The following LTBP2 variants were observed in gnomAD, a reference collection of about 807,000 sequenced individuals.
LTBP2 encodes latent transforming growth factor beta binding protein 2.
In LTBP2, 103 loss-of-function variants were observed where a neutral mutation model predicts 210.6. The observed-to-expected ratio is 0.49, with a 90% CI of 0.42 to 0.58. The LOEUF (loss-of-function observed/expected upper bound fraction) is 0.58. LTBP2 is among the 20% of genes least tolerant of loss of function. The probability of loss-of-function intolerance (pLI) is 0.00; values close to 1 mark genes in which losing one functional copy is unlikely to be tolerated. For missense variants in LTBP2, 2,313 were observed against 2,494.5 expected (o/e 0.93, Z 1.55); for synonymous variants, 1,007 against 1,015.0 (o/e 0.99, Z 0.15).
chr14:74,504,720 G>T, intron 30 of LTBP2, 58 bp downstream of exon 30: 1 of 1,545,714 alleles, frequency 6.5e-7, no homozygotes, highest in South Asian at 1.1e-5. Flanking sequence ...CCCTGTGGAG[G>T]AGCAGGCTAG....
At chr14:74,548,405 G>A (rs760311677) in intron 8 of LTBP2, among the ~76,000 whole-genome samples, 9 of 151,978 alleles carry the variant, frequency 5.9e-5, no homozygotes, top group Admixed American at 2.0e-4. Context: ...TTGTAAGCTT[G>A]GAGAGGAAGG....
At chr14:74,540,944 A>ATATATT (rs1248514534) in intron 8 of LTBP2, among the ~76,000 whole-genome samples, 44 of 24,290 alleles carry the variant, frequency 1.8e-3, no homozygotes, top group African/African-American at 3.7e-3. Flanking sequence ...ATATATATAT[A>ATATATT]TTTTTTATAT....
At chr14:74,549,726 G>T in intron 8 of LTBP2, 137 bp downstream of exon 8, 1 of 781,118 alleles carries the variant, frequency 1.3e-6, no homozygotes, top group Non-Finnish European at 2.3e-6. Flanking sequence ...CTTCAAGGCA[G>T]GTCTGGGAAG....
intron 18 of LTBP2, among the ~76,000 whole-genome samples, chr14:74,514,669 G>T (rs538534437): frequency 6.6e-6 from 1 of 152,196 alleles, no homozygotes; most frequent in African/African-American, 2.4e-5. Flanking sequence ...TCCCCTGTCC[G>T]TGGGAACCTG....
Position 74,498,676 on chromosome 14 carries a change from C to G in LTBP2, c.*2208G>C. 1 of 232,164 alleles carries G rather than the reference C, an allele frequency of 4.3e-6. No individual in the cohort carries two copies. The highest frequency in any genetic ancestry group is 8.5e-6 in the Non-Finnish European group (1 of 117,400). The allele number at this position is 232,164 out of a possible 1,614,324, so 14.4% of individuals were successfully genotyped here. On this transcript the variant is annotated 3_prime_UTR_variant, in exon 36 of 36. Coordinates refer to ENST00000261978, the MANE Select transcript of LTBP2 (RefSeq NM_000428.3). Reference sequence around the variant, plus strand: ...GTGGGGGCAGTGGGAACAGCAGTTACGAAGGTGTAGTGCCAGCAGGATATA... The same window carrying G: ...GTGGGGGCAGTGGGAACAGCAGTTAGGAAGGTGTAGTGCCAGCAGGATATA...
At position 74,532,273 on chromosome 14, in the gene LTBP2, G is replaced by A. The variant is rs114218618; in HGVS notation, c.1987+153C>T. Reference sequence around the variant, plus strand: ...ATGGGCTGATCAGGTTTTTCACATTGGGCCCAACTCCAGGTTGAATAGCCG... The same window carrying A: ...ATGGGCTGATCAGGTTTTTCACATTAGGCCCAACTCCAGGTTGAATAGCCG... On this transcript the variant is annotated intron_variant, in intron 10 of 35. Coordinates refer to ENST00000261978, the MANE Select transcript of LTBP2 (RefSeq NM_000428.3). Among the ~76,000 whole-genome samples, 1,215 of 152,294 alleles carry A rather than the reference G, an allele frequency of 8.0e-3. 14 individuals carry two copies. The highest frequency in any genetic ancestry group is 0.028 in the African/African-American group (1,169 of 41,570).
chr14:74,520,857 T>C (rs2139708538), intron 17 of LTBP2, among the ~76,000 whole-genome samples: 1 of 152,298 alleles, frequency 6.6e-6, no homozygotes, highest in South Asian at 2.1e-4. Flanking sequence ...TTCTGCTCCA[T>C]CTCGAGTACC....
At position 74,511,341 on chromosome 14, in the gene LTBP2, C is replaced by G; in HGVS notation, c.2932G>C (p.Gly978Arg). 1 of 1,614,110 alleles carries G rather than the reference C, an allele frequency of 6.2e-7. No homozygotes were observed. The highest frequency in any genetic ancestry group is 8.5e-7 in the Non-Finnish European group (1 of 1,180,010). Reference sequence around the variant, plus strand: ...ACGCATCTCCCATCAGGGCAGGTACCGGGGTGACGGCATTCGTTGATATCT... The same window carrying G: ...ACGCATCTCCCATCAGGGCAGGTACGGGGGTGACGGCATTCGTTGATATCT... ...CQDINECRHP[G>R]TCPDGRCVNS... Residue 978 changes from glycine (G) to arginine (R), a missense_variant, in exon 19 of 36, where the codon GGT becomes CGT. By Grantham distance (125) the Gly-to-Arg change is moderately radical (BLOSUM62 -2). Coordinates refer to ENST00000261978, the MANE Select transcript of LTBP2 (RefSeq NM_000428.3).
intron 2 of LTBP2, among the ~76,000 whole-genome samples, chr14:74,592,829 C>A (rs1292246707): frequency 6.6e-6 from 1 of 152,146 alleles, no homozygotes; most frequent in Non-Finnish European, 1.5e-5. Context: ...ACGGAATACC[C>A]CCCAGCCCCT....
intron 4 of LTBP2, among the ~76,000 whole-genome samples, chr14:74,554,150 C>T (rs1380991847): frequency 6.6e-6 from 1 of 152,076 alleles, no homozygotes; most frequent in Non-Finnish European, 1.5e-5. Context: ...AAGGAATCGT[C>T]AACCATGAAA....
chr14:74,500,677 T>A lies in LTBP2; in HGVS notation c.*207A>T. 1 of 650,664 alleles carries A rather than the reference T, an allele frequency of 1.5e-6. No homozygotes were observed. Among genetic ancestry groups the A allele is most frequent in the Admixed American group, 2.3e-5 (1 of 43,348 alleles). The allele number at this position is 650,664 out of a possible 1,614,324, so 40.3% of individuals were successfully genotyped here. A position where few individuals can be genotyped will look rare whatever the true frequency, so the allele number is the denominator to read the frequency against. On this transcript the variant is annotated 3_prime_UTR_variant, in exon 36 of 36. Coordinates refer to ENST00000261978, the MANE Select transcript of LTBP2 (RefSeq NM_000428.3). ...GCGGTGGCTGAAGCATTAAAGCGAT[T>A]GGTGGTGCTTGAGCCAAGCAAGGGC...
chr14:74,565,422 A>G (rs1295298729), intron 3 of LTBP2, among the ~76,000 whole-genome samples: 2 of 152,234 alleles, frequency 1.3e-5, no homozygotes, highest in African/African-American at 4.8e-5. Context: ...GCCAGCTGGA[A>G]GGCTTTGGCT....
chr14:74,596,057 C>T (rs1333327200), intron 2 of LTBP2, among the ~76,000 whole-genome samples: 1 of 151,846 alleles, frequency 6.6e-6, no homozygotes, highest in African/African-American at 2.4e-5. Flanking sequence ...GTCAAAACGT[C>T]TCTATAAAAA....
Position 74,552,273 on chromosome 14 carries a change from G to A in LTBP2, c.1313C>T (p.Pro438Leu). The change falls in exon 6 of 36, where the codon CCT (proline) becomes CTT (leucine). Residue 438 changes from proline to leucine, a missense_variant. This residue lies in a region of LTBP2 where 1,867 missense variants were observed against 1,976.9 expected (regional missense o/e 0.94). Transcript: ENST00000261978. ...HLPIPQPDRE[P>L]PGRGSRPRAL... ...CCTGGGGCGGGACCCCCTCCCTGGA[G>A]GCTCCCTGTCCGGCTGCGGGATAGG... 1 of 1,613,358 alleles carries A rather than the reference G, an allele frequency of 6.2e-7. No individual in the cohort carries two copies. The highest frequency in any genetic ancestry group is 8.5e-7 in the Non-Finnish European group (1 of 1,179,936).
At chr14:74,608,869 T>C (rs1359915819) in intron 1 of LTBP2, among the ~76,000 whole-genome samples, 1 of 152,156 alleles carries the variant, frequency 6.6e-6, no homozygotes, top group African/African-American at 2.4e-5. Flanking sequence ...TGGCACAAAC[T>C]TAATAAGTCT....
intron 3 of LTBP2, among the ~76,000 whole-genome samples, chr14:74,582,766 T>A (rs1398029997): frequency 2.0e-5 from 3 of 152,160 alleles, no homozygotes; most frequent in African/African-American, 7.2e-5. Flanking sequence ...TGGGACCACG[T>A]TAGAGCTGAT....
rs1427266659 is a variant in LTBP2, at chr14:74,611,524, C to G, written c.421G>C (p.Ala141Pro). 6 of 1,543,406 alleles carry G rather than the reference C, an allele frequency of 3.9e-6. No homozygotes were observed. The South Asian group carries it at 4.9e-5, about 12-fold the overall frequency. Residue 141 changes from alanine (A) to proline (P), a missense_variant, in exon 1 of 36, where the codon GCT (alanine) becomes CCT (proline). By Grantham distance (27) the Ala-to-Pro change is conservative. This residue lies in a region of LTBP2 where 1,867 missense variants were observed against 1,976.9 expected (regional missense o/e 0.94). Transcript: ENST00000261978. ...TGTGGGGTCCCCAGGCGTGGGAGAG[C>G]CGGCGCGGCCCGGGTCCGGGGTGCT... is the stretch of plus-strand genomic sequence containing the variant. ...QPAPRTRAAP[A>P]LPRLGTPQRS...
Position 74,535,957 on chromosome 14 carries a change from C to A in LTBP2, c.1833G>T (p.Gly611=), listed in dbSNP as rs775155970. ...IENGQLECPQ[G]YKRLNLTHCQ... Reference sequence around the variant, plus strand: ...AGTGAGTGAGGTTCAGTCTCTTGTACCCCTGAGGACACTCCAGCTGGCCAT... The same window carrying A: ...AGTGAGTGAGGTTCAGTCTCTTGTAACCCTGAGGACACTCCAGCTGGCCAT... The change falls in exon 9 of 36, where the codon GGG becomes GGT. Residue 611 remains glycine (G), a synonymous_variant. Coordinates refer to ENST00000261978, the MANE Select transcript of LTBP2 (RefSeq NM_000428.3). 2 of 1,614,122 alleles carry A rather than the reference C, an allele frequency of 1.2e-6. No homozygotes were observed. Among genetic ancestry groups the A allele is most frequent in the East Asian group, 4.5e-5 (2 of 44,872 alleles).
At chr14:74,544,261 T>A (rs549030166) in intron 8 of LTBP2, among the ~76,000 whole-genome samples, 1 of 152,172 alleles carries the variant, frequency 6.6e-6, no homozygotes, top group South Asian at 2.1e-4. Flanking sequence ...CAAGCTGGGG[T>A]CCTCCAGTTC....
Sources: allele counts gnomAD v4.1 joint callset (sites outside exome capture counted in the v4.1 genomes callset), GRCh38; gene constraint gnomAD v4.1.1; regional missense constraint gnomAD v4.1.1; transcripts MANE v1.5; gene names NCBI Gene and HGNC (gene_info 2026-07-23, HGNC 2026-07-21).